Variants in KCNJ3 observed in about 807,000 individuals in gnomAD.
KCNJ3 encodes the protein potassium inwardly rectifying channel subfamily J member 3.
In KCNJ3, 4 loss-of-function variants were observed where a neutral mutation model predicts 39.2. The ratio of observed to expected loss-of-function variants is 0.10; its 90% CI spans 0.05 to 0.23. The LOEUF is 0.23. Among genes scored for constraint, KCNJ3 ranks in the 10% least tolerant of loss-of-function variants. The probability of loss-of-function intolerance (pLI) is 1.00; values close to 1 mark genes in which losing one functional copy is unlikely to be tolerated. For missense variants in KCNJ3, 276 were observed against 634.9 expected (o/e 0.43, Z 6.08); for synonymous variants, 230 against 237.4 (o/e 0.97, Z 0.29).
intron 2 of KCNJ3, among the ~76,000 whole-genome samples, chr2:154,735,602 C>T (rs1049964767): frequency 7.2e-5 from 11 of 152,050 alleles, no homozygotes; most frequent in African/African-American, 2.2e-4. Flanking sequence ...ATAATTTTCT[C>T]GACTTATTGA....
chr2:154,783,852 A>G (rs1453611775), intron 2 of KCNJ3, among the ~76,000 whole-genome samples: 1 of 152,212 alleles, frequency 6.6e-6, no homozygotes, highest in Non-Finnish European at 1.5e-5. Flanking sequence ...AATTCTATGT[A>G]TGCTGCAACC....
At chr2:154,827,426 T>C (rs2105115660) in intron 2 of KCNJ3, among the ~76,000 whole-genome samples, 1 of 152,280 alleles carries the variant, frequency 6.6e-6, no homozygotes, top group East Asian at 1.9e-4. Context: ...CCCAGAAATT[T>C]CCCCTAAGGC....
At chr2:154,739,629 T>C (rs1171875417) in intron 2 of KCNJ3, among the ~76,000 whole-genome samples, 1 of 152,064 alleles carries the variant, frequency 6.6e-6, no homozygotes, top group African/African-American at 2.4e-5. Context: ...AACTCAAGCA[T>C]ACATCTGAGT....
intron 1 of KCNJ3, among the ~76,000 whole-genome samples, chr2:154,703,413 A>G (rs1027194482): frequency 1.3e-5 from 2 of 151,932 alleles, no homozygotes; most frequent in Non-Finnish European, 2.9e-5. Flanking sequence ...AATAGAGTAC[A>G]TTCCTTTCCT....
intron 2 of KCNJ3, among the ~76,000 whole-genome samples, chr2:154,736,925 T>C (rs1685558312): frequency 6.6e-6 from 1 of 152,180 alleles, no homozygotes; most frequent in Admixed American, 6.6e-5. Flanking sequence ...AGAGATGTCC[T>C]TGAGTTGAGG....
chr2:154,739,052 T>C (rs1256608711), intron 2 of KCNJ3, among the ~76,000 whole-genome samples: 1 of 152,038 alleles, frequency 6.6e-6, no homozygotes, highest in African/African-American at 2.4e-5. Flanking sequence ...ATAAATTATA[T>C]AATTAAGAAA....
chr2:154,797,448 T>A (rs1686738928), intron 2 of KCNJ3, among the ~76,000 whole-genome samples: 1 of 152,188 alleles, frequency 6.6e-6, no homozygotes, highest in South Asian at 2.1e-4. Context: ...GAAGTGAAAT[T>A]CTTCCAGGGC....
intron 2 of KCNJ3, among the ~76,000 whole-genome samples, chr2:154,796,812 A>G (rs1357053197): frequency 2.0e-5 from 3 of 152,200 alleles, no homozygotes; most frequent in African/African-American, 7.2e-5. Context: ...GAATATGCTT[A>G]TTAGAAGAAG....
chr2:154,831,031 G>GATCT (rs1012922607), intron 2 of KCNJ3, among the ~76,000 whole-genome samples: 19 of 152,122 alleles, frequency 1.2e-4, no homozygotes, highest in African/African-American at 4.6e-4. Context: ...ATATCTTTTT[G>GATCT]ATCTATCTCT....
intron 2 of KCNJ3, among the ~76,000 whole-genome samples, chr2:154,819,500 T>A (rs1403749418): frequency 2.0e-5 from 3 of 152,068 alleles, no homozygotes. Context: ...TATTCTTCTC[T>A]AAACACAATA....
chr2:154,767,355 G>A (rs1487798540), intron 2 of KCNJ3, among the ~76,000 whole-genome samples: 1 of 151,734 alleles, frequency 6.6e-6, no homozygotes, highest in Non-Finnish European at 1.5e-5. Context: ...CCCATGACAG[G>A]CCCTGGTGTG....
At chr2:154,764,152 C>G (rs988766925) in intron 2 of KCNJ3, among the ~76,000 whole-genome samples, 1 of 152,192 alleles carries the variant, frequency 6.6e-6, no homozygotes, top group African/African-American at 2.4e-5. Flanking sequence ...AAAGTGCTAG[C>G]AGTATCTCCA....
At chr2:154,835,783 TCTTA>T (rs1453409605) in intron 2 of KCNJ3, among the ~76,000 whole-genome samples, 1 of 152,238 alleles carries the variant, frequency 6.6e-6, no homozygotes, top group East Asian at 1.9e-4. Context: ...ATATTTTATA[TCTTA>T]CTATCATTCA....
chr2:154,726,879 T>C (rs1685369462), intron 2 of KCNJ3, among the ~76,000 whole-genome samples: 1 of 147,128 alleles, frequency 6.8e-6, no homozygotes, highest in Non-Finnish European at 1.5e-5. Flanking sequence ...AATAAAATAA[T>C]GGCATTTGCA....
chr2:154,754,292 G>A (rs1027083014), intron 2 of KCNJ3, among the ~76,000 whole-genome samples: 3 of 151,632 alleles, frequency 2.0e-5, no homozygotes, highest in Admixed American at 6.6e-5. Flanking sequence ...TTTTTGAAAC[G>A]GAGTTTCTCT....
intron 2 of KCNJ3, among the ~76,000 whole-genome samples, chr2:154,747,947 ACCAAAC>A (rs1685775746): frequency 6.6e-6 from 1 of 151,812 alleles, no homozygotes; most frequent in African/African-American, 2.4e-5. Context: ...ACCAGTTCTT[ACCAAAC>A]CCAATGTTCT....
At chr2:154,759,158 G>A (rs1052186542) in intron 2 of KCNJ3, among the ~76,000 whole-genome samples, 2 of 152,162 alleles carry the variant, frequency 1.3e-5, no homozygotes, top group Non-Finnish European at 2.9e-5. Flanking sequence ...CAAGTCTCAT[G>A]GCTATGAAAG....
At chr2:154,771,418 A>C (rs926613532) in intron 2 of KCNJ3, among the ~76,000 whole-genome samples, 2 of 152,236 alleles carry the variant, frequency 1.3e-5, no homozygotes, top group African/African-American at 4.8e-5. Flanking sequence ...GCATGAAAGT[A>C]GTAGATGAAA....
intron 2 of KCNJ3, among the ~76,000 whole-genome samples, chr2:154,804,067 T>G (rs1374996818): frequency 2.0e-5 from 3 of 152,108 alleles, no homozygotes; most frequent in Admixed American, 1.3e-4. Context: ...ATTTCAAAAT[T>G]TGGAGTCCTA....
Sources: allele counts gnomAD v4.1 joint callset (sites outside exome capture counted in the v4.1 genomes callset), GRCh38; gene constraint gnomAD v4.1.1; transcripts MANE v1.5; gene names NCBI Gene and HGNC (gene_info 2026-07-23, HGNC 2026-07-21).